TNRC18: variants seen among roughly 807,000 people sequenced by gnomAD.
The protein encoded by TNRC18 is trinucleotide repeat-containing gene 18 protein.
In TNRC18, 69 loss-of-function variants were observed where a neutral mutation model predicts 226.7. The ratio of observed to expected loss-of-function variants is 0.30; its 90% CI spans 0.25 to 0.37. TNRC18 has a LOEUF of 0.37. Ranked by LOEUF, TNRC18 falls within the 10% of genes least tolerant of loss-of-function variation. TNRC18 has a pLI of 1.00. For synonymous variants in TNRC18, 2,449 were observed against 1,927.6 expected (o/e 1.27, Z -7.09); for missense variants, 4,754 against 4,256.6 (o/e 1.12, Z -3.25).
intron 11 of TNRC18, among the ~76,000 whole-genome samples, chr7:5,365,642 T>C (rs6966019): frequency 0.69 from 104,044 of 151,736 alleles, 36,090 homozygotes; most frequent in African/African-American, 0.78. Flanking sequence ...TTAATGCACA[T>C]GGGGTCTCGC....
intron 17 of TNRC18, among the ~76,000 whole-genome samples, chr7:5,347,353 A>AC (rs1323547775): frequency 7.4e-6 from 1 of 135,644 alleles, no homozygotes; most frequent in East Asian, 2.2e-4. Context: ...CACCAGGCTA[A>AC]TTTTTTTTTT....
chr7:5,308,685 A>G (rs2128099029), intron 29 of TNRC18, among the ~76,000 whole-genome samples, 190 bp downstream of exon 29: 1 of 152,318 alleles, frequency 6.6e-6, no homozygotes, highest in South Asian at 2.1e-4. Context: ...GAGAAGACCC[A>G]GAGACAGACG....
At position 5,355,785 on chromosome 7, in the gene TNRC18, G is replaced by A. The variant is rs139140082; in HGVS notation, c.5194+1131C>T. Among the ~76,000 whole-genome samples, 224 of 152,280 alleles carry A rather than the reference G, an allele frequency of 1.5e-3. 1 individual carries two copies. Among genetic ancestry groups the A allele is most frequent in the African/African-American group, 5.1e-3 (211 of 41,542 alleles). ...CCCAGCTACTCGGAGGGCTAAGGCA[G>A]GAAGATCACTTGAGCCCAGGAGCTC... On this transcript the variant is annotated intron_variant, in intron 16 of 29. Coordinates refer to ENST00000430969, the MANE Select transcript of TNRC18 (RefSeq NM_001080495.3).
At chr7:5,325,355 G>A (rs1788792201) in intron 19 of TNRC18, 107 bp from the exon 20 acceptor site, 1 of 1,305,842 alleles carries the variant, frequency 7.7e-7, no homozygotes. Context: ...CACCCCAAGT[G>A]CGCCCTCCCA....
At chr7:5,328,386 A>C (rs1268281066) in intron 19 of TNRC18, among the ~76,000 whole-genome samples, 3 of 151,982 alleles carry the variant, frequency 2.0e-5, no homozygotes, top group Admixed American at 6.6e-5. Flanking sequence ...TTTTTTAATT[A>C]GTCAGACGTG....
At chr7:5,320,447 T>C (rs758409287) in intron 23 of TNRC18, 21 bp from the exon 24 acceptor site, 10 of 1,562,396 alleles carry the variant, frequency 6.4e-6, no homozygotes, top group Non-Finnish European at 8.7e-6. Flanking sequence ...ATGGGATGAG[T>C]GCAAGGTGTG....
Position 5,374,190 on chromosome 7 carries a change from T to TGGGG in TNRC18, c.3090_3093dup (p.Thr1032ProfsTer83). On this transcript the variant is annotated frameshift_variant, in exon 10 of 30. Transcript: ENST00000430969. LOFTEE classifies it high-confidence loss of function. ...GGTGGGGAGGCGGGCGGCGGGCTGG[T>TGGGG]GGGGTGGGAGCTGGGGGTGGCGGGG... 3.9e-5 allele frequency: 3 copies of TGGGG among 77,198 alleles called. No homozygotes were observed. Among genetic ancestry groups the TGGGG allele is most frequent in the South Asian group, 5.8e-4 (2 of 3,476 alleles). The allele number at this position is 77,198 out of a possible 1,614,324, so 4.8% of individuals were successfully genotyped here.
rs758078517 is a variant in TNRC18, at chr7:5,352,056, C to T, written c.5233G>A (p.Glu1745Lys). The T allele has an allele frequency of 1.1e-5, 18 of 1,611,630 alleles. 1 individual carries two copies. In the African/African-American group the frequency reaches 1.3e-4, roughly 12 times the overall value. Residue 1745 changes from glutamate to lysine, a missense_variant, in exon 17 of 30, where the codon GAG (glutamate) becomes AAG (lysine). Glu to Lys is a moderately conservative substitution (Grantham distance 56). Transcript: ENST00000430969. ...SEEDEEFLKDEWPAQGPSSSK... is the reference protein window; with the variant it reads ...SEEDEEFLKDKWPAQGPSSSK... ...CTGGAGGGGCCTTGGGCGGGCCACTCGTCCTTCAGGAATTCTTCGTCTTCC... is the reference window on the plus strand; with the variant it reads ...CTGGAGGGGCCTTGGGCGGGCCACTTGTCCTTCAGGAATTCTTCGTCTTCC...
Position 5,374,073 on chromosome 7 carries a change from A to T in TNRC18, c.3211T>A (p.Phe1071Ile). The T allele has an allele frequency of 2.5e-6, 4 of 1,574,304 alleles. No individual in the cohort carries two copies. Among genetic ancestry groups the T allele is most frequent in the Non-Finnish European group, 3.4e-6 (4 of 1,163,476 alleles). Reference protein sequence around the residue: ...LELEKEAPSPFQALFSDIPPR... With the variant: ...LELEKEAPSPIQALFSDIPPR... Reference sequence around the variant, plus strand: ...ATCCTACCTGAGAACAGGGCCTGGAAGGGGCTGGGGGCTTCCTTCTCCAAC... The same window carrying T: ...ATCCTACCTGAGAACAGGGCCTGGATGGGGCTGGGGGCTTCCTTCTCCAAC... The change falls in exon 10 of 30, where the codon TTC (phenylalanine) becomes ATC (isoleucine). Residue 1071 changes from phenylalanine (F) to isoleucine (I), a missense_variant. Coordinates refer to ENST00000430969, the MANE Select transcript of TNRC18 (RefSeq NM_001080495.3).
At chr7:5,311,819 T>TAA (rs11366632) in intron 27 of TNRC18, among the ~76,000 whole-genome samples, 1 of 140,404 alleles carries the variant, frequency 7.1e-6, no homozygotes, top group Non-Finnish European at 1.6e-5. Flanking sequence ...TCCTGTCTCT[T>TAA]AAAAAAAAAA....
Position 5,324,898 on chromosome 7 carries a change from G to A in TNRC18, c.6300+198C>T, listed in dbSNP as rs1171527456. 6.6e-6 allele frequency among the ~76,000 whole-genome samples: 1 copy of A among 152,178 alleles called. No homozygotes were observed. Among genetic ancestry groups the A allele is most frequent in the Non-Finnish European group, 1.5e-5 (1 of 68,032 alleles). On this transcript the variant is annotated intron_variant, in intron 20 of 29. Coordinates refer to ENST00000430969, the MANE Select transcript of TNRC18 (RefSeq NM_001080495.3). The surrounding 1 kb of genome is among the most constrained non-coding windows in gnomAD (Gnocchi z 4.8). ...GCCCCCGCTAGAGCAGACATTTCCT[G>A]AGGACAGGAGCAGAGTCCCCAGTAT... is the stretch of plus-strand genomic sequence containing the variant.
intron 2 of TNRC18, among the ~76,000 whole-genome samples, chr7:5,406,636 A>G (rs1303308230): frequency 6.6e-6 from 1 of 152,062 alleles, no homozygotes; most frequent in Non-Finnish European, 1.5e-5. Flanking sequence ...GGATCACCTG[A>G]AGTCAGGAGT....
At chr7:5,359,617 C>T (rs371053036) in intron 14 of TNRC18, 48 bp from the exon 15 acceptor site, 18 of 1,608,798 alleles carry the variant, frequency 1.1e-5, no homozygotes, top group Non-Finnish European at 1.4e-5. Context: ...AGACAAGGCT[C>T]GCAGGCTGAG....
intron 18 of TNRC18, among the ~76,000 whole-genome samples, chr7:5,337,115 C>T (rs1790195316): frequency 6.6e-6 from 1 of 152,080 alleles, no homozygotes; most frequent in African/African-American, 2.4e-5. Context: ...TAAACACGAA[C>T]CCCCAGGAAC....
At chr7:5,357,316 A>G (rs1467810101) in intron 15 of TNRC18, 40 bp from the exon 16 acceptor site, 1 of 1,566,918 alleles carries the variant, frequency 6.4e-7, no homozygotes, top group Non-Finnish European at 8.7e-7. Context: ...AAGATCTGAC[A>G]AAACAGTATA....
In TNRC18 at chr7:5,389,467, T is replaced by TTGTTTTTTTTTTGTTTTTTTTTTTG. The variant is rs1224285158; in HGVS notation, c.488-132_488-131insCAAAAAAAAAAACAAAAAAAAAACA. On this transcript the variant is annotated intron_variant, in intron 4 of 29. Transcript: ENST00000430969. ...CCCCAGTGTTTTGGTTTTGGTTTTT[T>TTGTTTTTTTTTTGTTTTTTTTTTTG]TTTTCAGAAAGAGTCTCGCTCTCCT... The TTGTTTTTTTTTTGTTTTTTTTTTTG allele has an allele frequency of 1.0e-5, 11 of 1,103,320 alleles. 1 individual carries two copies. The East Asian group carries it at 1.2e-4, about 12-fold the overall frequency. The allele number at this position is 1,103,320 out of a possible 1,614,324, so 68.3% of individuals were successfully genotyped here. A position where few individuals can be genotyped will look rare whatever the true frequency, so the allele number is the denominator to read the frequency against.
Position 5,307,924 on chromosome 7 carries a change from G to GCGTGCACACA in TNRC18, c.*172_*181dup, listed in dbSNP as rs1182216660. 14 of 616,834 alleles carry GCGTGCACACA rather than the reference G, an allele frequency of 2.3e-5. No homozygotes were observed. Among genetic ancestry groups the GCGTGCACACA allele is most frequent in the Non-Finnish European group, 2.8e-5 (10 of 351,282 alleles). The allele number at this position is 616,834 out of a possible 1,614,324, so 38.2% of individuals were successfully genotyped here. On this transcript the variant is annotated 3_prime_UTR_variant, in exon 30 of 30. Coordinates refer to ENST00000430969, the MANE Select transcript of TNRC18 (RefSeq NM_001080495.3). ...GGTGGGGCTGGAGGCATGTGCACAT[G>GCGTGCACACA]CGTGCACACACGTGCATGCACACAC...
intron 2 of TNRC18, among the ~76,000 whole-genome samples, chr7:5,419,464 T>G (rs1389777161): frequency 6.6e-6 from 1 of 151,950 alleles, no homozygotes; most frequent in Non-Finnish European, 1.5e-5. Context: ...GACACACGCA[T>G]GCACACACAC....
At chr7:5,389,966 C>G (rs969801989) in intron 4 of TNRC18, 2 of 167,800 alleles carry the variant, frequency 1.2e-5, no homozygotes, top group African/African-American at 4.8e-5. Flanking sequence ...TTCAAAGTTG[C>G]CCGGAAGGCC....
Sources: allele counts gnomAD v4.1 joint callset (sites outside exome capture counted in the v4.1 genomes callset), GRCh38; gene constraint gnomAD v4.1.1; non-coding constraint Gnocchi (gnomAD v3.1); transcripts MANE v1.5; gene names NCBI Gene and HGNC (gene_info 2026-07-23, HGNC 2026-07-21).